Variants in PIEZO2 observed in about 807,000 individuals in gnomAD.
The protein encoded by PIEZO2 is piezo-type mechanosensitive ion channel component 2.
A neutral mutation model predicts 337.3 loss-of-function variants in PIEZO2; 172 were observed. That is an observed-to-expected ratio of 0.51 (90% CI 0.45 to 0.58). The LOEUF (loss-of-function observed/expected upper bound fraction) is 0.58. Ranked by LOEUF, PIEZO2 falls within the 20% of genes least tolerant of loss-of-function variation. The probability of loss-of-function intolerance (pLI) is 0.00; values close to 1 mark genes in which losing one functional copy is unlikely to be tolerated. For synonymous variants in PIEZO2, 1,251 were observed against 1,228.5 expected, an observed-to-expected ratio of 1.02 and a Z score of -0.38; for missense variants, 3,028 against 3,391.3, an observed-to-expected ratio of 0.89 and a Z score of 2.66.
At chr18:10,939,684 G>A (rs1002293451) in intron 3 of PIEZO2, among the ~76,000 whole-genome samples, 4 of 152,180 alleles carry the variant, frequency 2.6e-5, no homozygotes, top group African/African-American at 7.2e-5. Context: ...ACCAAACGCC[G>A]CATGTTCTCA....
At chr18:11,060,014 A>T (rs2037881867) in intron 2 of PIEZO2, among the ~76,000 whole-genome samples, 1 of 152,116 alleles carries the variant, frequency 6.6e-6, no homozygotes, top group Non-Finnish European at 1.5e-5. Context: ...GAAGTAAAGC[A>T]CTCCTCAGCA....
In PIEZO2 at chr18:11,146,033, CAT is replaced by C. The variant is rs2040801746; in HGVS notation, c.64+2490_64+2491del. 6.6e-6 allele frequency among the ~76,000 whole-genome samples: 1 copy of C among 152,158 alleles called. No individual in the cohort carries two copies. Among genetic ancestry groups the C allele is most frequent in the South Asian group, 2.1e-4 (1 of 4,828 alleles). On this transcript the variant is annotated intron_variant, in intron 1 of 55. Coordinates refer to ENST00000674853, the MANE Select transcript of PIEZO2 (RefSeq NM_001378183.1). The surrounding 1 kb of genome is among the most constrained non-coding windows in gnomAD (Gnocchi z 6.1). ...CTCACACTCACACATACTCATAACA[CAT>C]GTGCACACTCACACTTATGCACTCA... is the stretch of plus-strand genomic sequence containing the variant.
Position 10,857,209 on chromosome 18 carries a change from A to T in PIEZO2, c.495T>A (p.Ala165=), listed in dbSNP as rs1395853651. ...SNPEFENEEL[A]EGEKIDSEEA... is the part of the protein sequence containing the mutation. ...CTTCTGAATCAATTTTTTCTCCTTC[A>T]GCCTAAATAAATGACAAACAGGAAA... is the stretch of plus-strand genomic sequence containing the variant. The change falls in exon 6 of 56, where the codon GCT becomes GCA. Residue 165 remains alanine, a splice_region_variant and synonymous_variant. Transcript: ENST00000674853. 2 of 1,537,348 alleles carry T rather than the reference A, an allele frequency of 1.3e-6. No homozygotes were observed. Among genetic ancestry groups the T allele is most frequent in the Non-Finnish European group, 1.7e-6 (2 of 1,146,904 alleles).
Position 10,766,842 on chromosome 18 carries a change from G to T in PIEZO2, c.2946+3306C>A, listed in dbSNP as rs1410222796. On this transcript the variant is annotated intron_variant, in intron 21 of 55. Transcript: ENST00000674853. This position sits in a 1 kb window ranked among gnomAD's most constrained non-coding sequence, Gnocchi z 6.1. ...CTACTACACTAGCACCTAGCACCAT[G>T]TACGCATTCACTTTATTGTGAGTCC... is the stretch of plus-strand genomic sequence containing the variant. Among the ~76,000 whole-genome samples, 1 of 152,222 alleles carries T rather than the reference G, an allele frequency of 6.6e-6. No homozygotes were observed. The highest frequency in any genetic ancestry group is 1.5e-5 in the Non-Finnish European group (1 of 68,040).
chr18:10,871,721 A>T (rs1440873189), intron 4 of PIEZO2, among the ~76,000 whole-genome samples: 1 of 152,244 alleles, frequency 6.6e-6, no homozygotes, highest in Non-Finnish European at 1.5e-5. Flanking sequence ...GTACAAATGC[A>T]GTTGTTTGCA....
chr18:11,109,229 C>G lies in PIEZO2; in HGVS notation c.64+39296G>C, dbSNP rs982631970. On this transcript the variant is annotated intron_variant, in intron 1 of 55. Transcript: ENST00000674853. The surrounding 1 kb of genome is among the most constrained non-coding windows in gnomAD (Gnocchi z 5.1). ...AGTGCAGCTGGAGATTTTATTAGCA[C>G]TTTATGGTCCACATGATCATTTAAG... Among the ~76,000 whole-genome samples, 1 of 152,206 alleles carries G rather than the reference C, an allele frequency of 6.6e-6. No individual in the cohort carries two copies. Among genetic ancestry groups the G allele is most frequent in the Non-Finnish European group, 1.5e-5 (1 of 68,038 alleles).
intron 21 of PIEZO2, among the ~76,000 whole-genome samples, chr18:10,769,317 C>T (rs1029260325): frequency 7.9e-5 from 12 of 152,202 alleles, no homozygotes; most frequent in African/African-American, 2.9e-4. Context: ...GGCAATGATT[C>T]CCTGCCCATT....
At chr18:10,816,428 T>C (rs1278920518) in intron 7 of PIEZO2, among the ~76,000 whole-genome samples, 12 of 152,222 alleles carry the variant, frequency 7.9e-5, no homozygotes. Context: ...ACCCTAGTAG[T>C]AGCTTTACTA....
chr18:10,788,957 G>T, intron 15 of PIEZO2, 122 bp downstream of exon 15: 1 of 1,151,002 alleles, frequency 8.7e-7, no homozygotes, highest in Non-Finnish European at 1.2e-6. Context: ...TACGATGTTT[G>T]AATCTTGCCA....
At chr18:10,744,783 A>C in intron 30 of PIEZO2, among the ~76,000 whole-genome samples, 1 of 151,958 alleles carries the variant, frequency 6.6e-6, no homozygotes, top group East Asian at 1.9e-4. Flanking sequence ...TCTCAGGTCA[A>C]CCTCAGTGTC....
chr18:10,877,407 C>T lies in PIEZO2; in HGVS notation c.330-5992G>A, dbSNP rs1364255871. 6.6e-6 allele frequency among the ~76,000 whole-genome samples: 1 copy of T among 152,214 alleles called. No individual in the cohort carries two copies. The highest frequency in any genetic ancestry group is 2.4e-5 in the African/African-American group (1 of 41,452). ...TGTAATGCCCAGTCCAACTCGTCCG[C>T]TGAGAAACATTAGCATATATCCATT... On this transcript the variant is annotated intron_variant, in intron 4 of 55. Transcript: ENST00000674853. The surrounding 1 kb of genome is among the most constrained non-coding windows in gnomAD (Gnocchi z 5.3).
chr18:10,833,958 A>G lies in PIEZO2; in HGVS notation c.917+21395T>C, dbSNP rs565938620. On this transcript the variant is annotated intron_variant, in intron 7 of 55. Transcript: ENST00000674853. The surrounding 1 kb of genome is among the most constrained non-coding windows in gnomAD (Gnocchi z 4.7). ...TTTCCATGCAGTAGAAGAGCAGAAT[A>G]GGAGAGTGATTTAGAATACAGGCTT... Among the ~76,000 whole-genome samples, 6 of 152,358 alleles carry G rather than the reference A, an allele frequency of 3.9e-5. No homozygotes were observed. The East Asian group carries it at 1.2e-3, about 29-fold the overall frequency.
chr18:10,825,574 A>C (rs2040648918), intron 7 of PIEZO2, among the ~76,000 whole-genome samples: 2 of 103,150 alleles, frequency 1.9e-5, no homozygotes, highest in South Asian at 6.2e-4. Context: ...TTTTTGAGAC[A>C]GAATCTTGTT....
chr18:11,100,632 G>T (rs2039383970), intron 1 of PIEZO2, among the ~76,000 whole-genome samples: 1 of 151,866 alleles, frequency 6.6e-6, no homozygotes, highest in Non-Finnish European at 1.5e-5. Context: ...GTCTCACTCT[G>T]TCGCCCAGGC....
chr18:10,850,934 T>G lies in PIEZO2; in HGVS notation c.917+4419A>C, dbSNP rs1425575643. Among the ~76,000 whole-genome samples, 1 of 152,172 alleles carries G rather than the reference T, an allele frequency of 6.6e-6. No individual in the cohort carries two copies. The highest frequency in any genetic ancestry group is 2.4e-5 in the African/African-American group (1 of 41,452). ...AATTCAATATTTCTAAAAATAAGGT[T>G]AATTCTCACCAGAGAGCACATTTGA... On this transcript the variant is annotated intron_variant, in intron 7 of 55. Transcript: ENST00000674853. The surrounding 1 kb of genome is among the most constrained non-coding windows in gnomAD (Gnocchi z 4.5).
intron 1 of PIEZO2, among the ~76,000 whole-genome samples, chr18:11,114,110 A>G (rs1326137427): frequency 6.6e-6 from 1 of 152,238 alleles, no homozygotes; most frequent in African/African-American, 2.4e-5. Flanking sequence ...ATAAGTCATT[A>G]CACTAGTCTG....
chr18:10,870,124 C>A lies in PIEZO2; in HGVS notation c.492+1129G>T, dbSNP rs950971578. 6.6e-6 allele frequency among the ~76,000 whole-genome samples: 1 copy of A among 152,198 alleles called. No individual in the cohort carries two copies. The highest frequency in any genetic ancestry group is 6.5e-5 in the Admixed American group (1 of 15,282). On this transcript the variant is annotated intron_variant, in intron 5 of 55. Transcript: ENST00000674853. This position sits in a 1 kb window ranked among gnomAD's most constrained non-coding sequence, Gnocchi z 5.3. ...CTCATGACCTCAGGTGATCTGCCCA[C>A]CTGGGCCTCCCAAGGTGCTGGGATT...
chr18:10,708,143 C>T (rs772240088), intron 40 of PIEZO2, 132 bp downstream of exon 40: 3 of 152,154 alleles, frequency 2.0e-5, no homozygotes, highest in African/African-American at 2.4e-5. Flanking sequence ...GATTATGCTT[C>T]GGTTAGTCAT....
chr18:10,932,004 CAT>C (rs1434114427), intron 3 of PIEZO2, among the ~76,000 whole-genome samples: 1 of 152,142 alleles, frequency 6.6e-6, no homozygotes, highest in African/African-American at 2.4e-5. Context: ...TAGATCAAGA[CAT>C]AGTGAAAGAA....
Sources: allele counts gnomAD v4.1 joint callset (sites outside exome capture counted in the v4.1 genomes callset), GRCh38; gene constraint gnomAD v4.1.1; non-coding constraint Gnocchi (gnomAD v3.1); transcripts MANE v1.5; gene names NCBI Gene and HGNC (gene_info 2026-07-23, HGNC 2026-07-21).